The following SLC23A2 variants were observed in gnomAD, a reference collection of about 807,000 sequenced individuals.
SLC23A2 encodes solute carrier family 23 member 2.
SLC23A2 carries 36 observed loss-of-function variants against 73.3 expected under a neutral mutation model. That is an observed-to-expected ratio of 0.49 (90% CI 0.38 to 0.65). The LOEUF (loss-of-function observed/expected upper bound fraction) is 0.65. SLC23A2 is among the 30% of genes least tolerant of loss of function. The pLI is 0.00. For synonymous variants in SLC23A2, 343 were observed against 327.3 expected, an observed-to-expected ratio of 1.05 and a Z score of -0.52; for missense variants, 507 against 841.6, an observed-to-expected ratio of 0.60 and a Z score of 4.92.
chr20:4,919,958 T>C (rs1414005278), intron 3 of SLC23A2, among the ~76,000 whole-genome samples: 2 of 152,150 alleles, frequency 1.3e-5, no homozygotes, highest in Non-Finnish European at 2.9e-5. Flanking sequence ...TAAGAAGATA[T>C]ACATTAAAAC....
chr20:4,907,208 C>T (rs796894596), intron 4 of SLC23A2, among the ~76,000 whole-genome samples: 1 of 152,188 alleles, frequency 6.6e-6, no homozygotes, highest in African/African-American at 2.4e-5. Context: ...TCACAGAAGC[C>T]AGACTTATAC....
chr20:4,971,413 G>A (rs1392653229), intron 1 of SLC23A2, among the ~76,000 whole-genome samples: 1 of 152,002 alleles, frequency 6.6e-6, no homozygotes, highest in East Asian at 1.9e-4. Context: ...CCTGAGCCCA[G>A]GAGGTTGAGG....
At chr20:4,893,604 G>A (rs1931410091) in intron 6 of SLC23A2, among the ~76,000 whole-genome samples, 1 of 152,026 alleles carries the variant, frequency 6.6e-6, no homozygotes, top group South Asian at 2.1e-4. Flanking sequence ...TCCATTACGG[G>A]CCCCAGGAAC....
At chr20:4,989,050 C>A (rs1243153150) in intron 1 of SLC23A2, among the ~76,000 whole-genome samples, 3 of 151,754 alleles carry the variant, frequency 2.0e-5, no homozygotes, top group African/African-American at 7.3e-5. Flanking sequence ...ACCAGCCTGA[C>A]CAATGTGGTG....
intron 2 of SLC23A2, among the ~76,000 whole-genome samples, chr20:4,967,217 C>T (rs2087488658): frequency 6.6e-6 from 1 of 151,946 alleles, no homozygotes; most frequent in South Asian, 2.1e-4. Context: ...TTATGGCAAA[C>T]CTAAAACAAA....
intron 2 of SLC23A2, among the ~76,000 whole-genome samples, chr20:4,968,153 T>C (rs368386712): frequency 6.6e-6 from 1 of 152,064 alleles, no homozygotes; most frequent in Non-Finnish European, 1.5e-5. Flanking sequence ...CATACAACCA[T>C]AGAGCTGGGC....
rs926147895 is a variant in SLC23A2, at chr20:4,902,748, G to A, written c.208-190C>T. 4.6e-5 allele frequency among the ~76,000 whole-genome samples: 7 copies of A among 152,128 alleles called. No individual in the cohort carries two copies. Among genetic ancestry groups the A allele is most frequent in the Non-Finnish European group, 1.0e-4 (7 of 68,024 alleles). ...TCAAGTACAGTCGCCCACCGGGATG[G>A]TCAATCCTCAGAATTTGGGGGGTCA... On this transcript the variant is annotated intron_variant, in intron 4 of 16. Coordinates refer to ENST00000338244, the MANE Select transcript of SLC23A2 (RefSeq NM_005116.6). This position sits in a 1 kb window ranked among gnomAD's most constrained non-coding sequence, Gnocchi z 4.0.
rs1468766644 is a variant in SLC23A2, at chr20:4,893,070, C to CA, written c.482+6484_482+6485insT. ...AGCCATCATGCTATCTGCAACTTTACTTTTTTTTTTTTTAGACAGGATCTC... is the reference window on the plus strand; with the variant it reads ...AGCCATCATGCTATCTGCAACTTTACATTTTTTTTTTTTTAGACAGGATCTC... On this transcript the variant is annotated intron_variant, in intron 6 of 16. Coordinates refer to ENST00000338244, the MANE Select transcript of SLC23A2 (RefSeq NM_005116.6). 1.2e-3 allele frequency among the ~76,000 whole-genome samples: 178 copies of CA among 143,580 alleles called. 1 individual carries two copies. The highest frequency in any genetic ancestry group is 1.6e-3 in the Non-Finnish European group (107 of 65,144). 94.2% of individuals were successfully genotyped at this position (143,580 alleles called of 152,430 possible). A position where few individuals can be genotyped will look rare whatever the true frequency, so the allele number is the denominator to read the frequency against.
intron 2 of SLC23A2, among the ~76,000 whole-genome samples, chr20:4,943,740 T>C (rs2087077803): frequency 6.6e-6 from 1 of 151,364 alleles, no homozygotes; most frequent in Admixed American, 6.6e-5. Context: ...TTTGACACTG[T>C]TTTATTTATA....
At chr20:4,934,723 C>T (rs931099161) in intron 2 of SLC23A2, among the ~76,000 whole-genome samples, 2 of 151,850 alleles carry the variant, frequency 1.3e-5, no homozygotes, top group South Asian at 2.1e-4. Context: ...ATTAGCCAGG[C>T]GTGGTGGCAG....
rs183233646 is a variant in SLC23A2, at chr20:5,009,243, C to A, written c.-282+939G>T. Among the ~76,000 whole-genome samples, 308 of 152,234 alleles carry A rather than the reference C, an allele frequency of 2.0e-3. 2 individuals carry two copies. The highest frequency in any genetic ancestry group is 7.0e-3 in the African/African-American group (289 of 41,562). ...TCTTCTCAGATTCTTCTTCCTCCTG[C>A]TCCCTTCAAAAAAGGTGTTGGGGAT... On this transcript the variant is annotated intron_variant, in intron 1 of 16. Coordinates refer to the SLC23A2 transcript ENST00000379333.
At chr20:4,978,831 GC>G (rs1377923916) in intron 1 of SLC23A2, among the ~76,000 whole-genome samples, 1 of 152,144 alleles carries the variant, frequency 6.6e-6, no homozygotes, top group Non-Finnish European at 1.5e-5. Context: ...CTAAAACCTA[GC>G]TAGGACAAGT....
chr20:4,953,356 T>C (rs2087233127), intron 2 of SLC23A2, among the ~76,000 whole-genome samples: 1 of 151,774 alleles, frequency 6.6e-6, no homozygotes. Flanking sequence ...TGTAATTAAA[T>C]AAAGCAGACA....
chr20:4,871,196 T>C (rs6038005), intron 11 of SLC23A2, among the ~76,000 whole-genome samples: 26,152 of 152,172 alleles, frequency 0.17, 2,810 homozygotes, highest in African/African-American at 0.3. Flanking sequence ...GGCTAAAACA[T>C]GGTCTCTCAT....
At position 4,899,745 on chromosome 20, in the gene SLC23A2, G is replaced by C; in HGVS notation, c.325-33C>G. 1 of 1,599,860 alleles carries C rather than the reference G, an allele frequency of 6.3e-7. No individual in the cohort carries two copies. The highest frequency in any genetic ancestry group is 8.6e-7 in the Non-Finnish European group (1 of 1,168,408). On this transcript the variant is annotated intron_variant, in intron 5 of 16. Transcript: ENST00000338244. The surrounding 1 kb of genome is among the most constrained non-coding windows in gnomAD (Gnocchi z 4.9). ...CAGGAAAAGGGTCAGAGGAGAAACA[G>C]TAAACCCTTCCTCATTTATTCTTGA...
At chr20:4,966,809 T>TAC (rs56931121) in intron 2 of SLC23A2, among the ~76,000 whole-genome samples, 5,959 of 109,590 alleles carry the variant, frequency 0.054, 139 homozygotes, top group South Asian at 0.069. Flanking sequence ...TTGATAGTTT[T>TAC]ACACACACAC....
At chr20:4,882,246 G>T (rs1930916860) in intron 9 of SLC23A2, among the ~76,000 whole-genome samples, 1 of 152,032 alleles carries the variant, frequency 6.6e-6, no homozygotes, top group African/African-American at 2.4e-5. Context: ...GTGGTGGTGG[G>T]TGCTTGTAAT....
chr20:4,921,223 C>T (rs1020944958), intron 3 of SLC23A2, among the ~76,000 whole-genome samples: 3 of 152,162 alleles, frequency 2.0e-5, no homozygotes, highest in African/African-American at 7.2e-5. Flanking sequence ...AAGTTAAAGT[C>T]TTCATAAAGC....
At chr20:4,979,634 A>G (rs1276660247) in intron 1 of SLC23A2, among the ~76,000 whole-genome samples, 1 of 152,172 alleles carries the variant, frequency 6.6e-6, no homozygotes, top group Admixed American at 6.5e-5. Context: ...TTTTCTTTTT[A>G]ATTCAAAGGT....
Sources: allele counts gnomAD v4.1 joint callset (sites outside exome capture counted in the v4.1 genomes callset), GRCh38; gene constraint gnomAD v4.1.1; non-coding constraint Gnocchi (gnomAD v3.1); transcripts MANE v1.5; gene names NCBI Gene and HGNC (gene_info 2026-07-23, HGNC 2026-07-21).